The following CIT variants were observed in gnomAD, a reference collection of about 807,000 sequenced individuals.
CIT encodes the protein citron Rho-interacting kinase.
Under a neutral mutation model 272.7 loss-of-function variants are expected in CIT, and 79 were observed. That is an observed-to-expected ratio of 0.29 (90% CI 0.24 to 0.35). The LOEUF (loss-of-function observed/expected upper bound fraction) is 0.35. Ranked by LOEUF, CIT falls within the 10% of genes least tolerant of loss-of-function variation. The pLI is 1.00. For missense variants in CIT, 1,909 were observed against 2,618.3 expected, an observed-to-expected ratio of 0.73 and a Z score of 5.91; for synonymous variants, 948 against 995.6, an observed-to-expected ratio of 0.95 and a Z score of 0.90.
intron 23 of CIT, 34 bp from the exon 24 acceptor site, chr12:119,742,498 T>G: frequency 6.5e-7 from 1 of 1,537,718 alleles, no homozygotes; most frequent in African/African-American, 1.4e-5. Flanking sequence ...AAATTTTTCA[T>G]AGGGTAGAAT....
chr12:119,696,162 A>G (rs1036801770), intron 46 of CIT, among the ~76,000 whole-genome samples: 2 of 152,220 alleles, frequency 1.3e-5, no homozygotes, highest in Admixed American at 6.5e-5. Context: ...AGAGAGACCC[A>G]GAAGAGAGGC....
intron 18 of CIT, among the ~76,000 whole-genome samples, chr12:119,769,263 A>C (rs183331517): frequency 3.3e-5 from 5 of 152,284 alleles, no homozygotes; most frequent in Admixed American, 3.3e-4. Context: ...CCTCCATTTT[A>C]ATTGTAAGTG....
In CIT at chr12:119,834,092, A is replaced by G; in HGVS notation, c.653T>C (p.Val218Ala). The change falls in exon 6 of 48, where the codon GTG becomes GCG. Residue 218 changes from valine to alanine, a missense_variant. Val to Ala is a moderately conservative substitution (Grantham distance 64, BLOSUM62 0). Coordinates refer to ENST00000392521, the MANE Select transcript of CIT (RefSeq NM_001206999.2). ...AVHSVHLMGY[V>A]HRDIKPENIL... The stretch of plus-strand genomic sequence containing the variant: ...CTACCAGAGTCTCACTTACCGATGC[A>G]CGTATCCCATCAGATGAACGCTGTG... 6.2e-7 allele frequency: 1 copy of G among 1,611,192 alleles called. No individual in the cohort carries two copies. Among genetic ancestry groups the G allele is most frequent in the Non-Finnish European group, 8.5e-7 (1 of 1,179,200 alleles).
At position 119,694,823 on chromosome 12, in the gene CIT, TAAAAA is replaced by T. The variant is rs1033234616; in HGVS notation, c.5882+2831_5882+2835del. 6.6e-6 allele frequency among the ~76,000 whole-genome samples: 1 copy of T among 150,858 alleles called. No individual in the cohort carries two copies. Among genetic ancestry groups the T allele is most frequent in the Non-Finnish European group, 1.5e-5 (1 of 67,794 alleles). ...CCTACCTCGAAAAAAAATAAATAAATAAAAATAAAAAATAAATAAACAAGGAGGGG... is the reference window on the plus strand; with the variant it reads ...CCTACCTCGAAAAAAAATAAATAAATTAAAAAATAAATAAACAAGGAGGGG... On this transcript the variant is annotated intron_variant, in intron 46 of 47. Transcript: ENST00000392521. This position sits in a 1 kb window ranked among gnomAD's most constrained non-coding sequence, Gnocchi z 4.5.
intron 3 of CIT, among the ~76,000 whole-genome samples, chr12:119,864,052 C>T (rs1015339591): frequency 1.3e-5 from 2 of 151,810 alleles, no homozygotes; most frequent in South Asian, 2.1e-4. Flanking sequence ...TATCTATTAT[C>T]GCAGCCCAAA....
At chr12:119,845,982 A>G (rs1430334856) in intron 5 of CIT, among the ~76,000 whole-genome samples, 1 of 151,758 alleles carries the variant, frequency 6.6e-6, no homozygotes, top group Non-Finnish European at 1.5e-5. Context: ...ACACACACAC[A>G]CAGAAAAAGG....
intron 3 of CIT, among the ~76,000 whole-genome samples, chr12:119,861,605 G>A (rs1950341020): frequency 6.6e-6 from 1 of 151,340 alleles, no homozygotes; most frequent in African/African-American, 2.4e-5. Context: ...AAAAAGAAAA[G>A]AAAAGAAAAG....
chr12:119,697,227 C>T lies in CIT; in HGVS notation c.5882+432G>A, dbSNP rs1956274431. Reference sequence around the variant, plus strand: ...GCTTTCAACCACCCCACCAGGGCCTCATCCTTCCATGCCTTAATCTCTGAT... The same window carrying T: ...GCTTTCAACCACCCCACCAGGGCCTTATCCTTCCATGCCTTAATCTCTGAT... On this transcript the variant is annotated intron_variant, in intron 46 of 47. Coordinates refer to ENST00000392521, the MANE Select transcript of CIT (RefSeq NM_001206999.2). This position sits in a 1 kb window ranked among gnomAD's most constrained non-coding sequence, Gnocchi z 4.9. Among the ~76,000 whole-genome samples, 1 of 152,138 alleles carries T rather than the reference C, an allele frequency of 6.6e-6. No homozygotes were observed. Among genetic ancestry groups the T allele is most frequent in the African/African-American group, 2.4e-5 (1 of 41,446 alleles).
chr12:119,732,084 C>T (rs1439311022), intron 26 of CIT, among the ~76,000 whole-genome samples: 1 of 152,116 alleles, frequency 6.6e-6, no homozygotes. Context: ...GATCCACCCA[C>T]TTCGGCCTCC....
intron 3 of CIT, among the ~76,000 whole-genome samples, chr12:119,859,965 C>A (rs1412953373): frequency 2.0e-5 from 3 of 152,154 alleles, no homozygotes; most frequent in African/African-American, 4.8e-5. Context: ...TATAGGCGCA[C>A]ACCACCAATC....
rs534176361 is a variant in CIT at position 119,858,587 on chromosome 12, G to A, written c.239-889C>T. Among the ~76,000 whole-genome samples the A allele has an allele frequency of 4.6e-5, 7 of 151,984 alleles. No individual in the cohort carries two copies. In the East Asian group the frequency reaches 7.8e-4, roughly 17 times the overall value. On this transcript the variant is annotated intron_variant, in intron 3 of 47. Transcript: ENST00000392521. ...TGTAATCCCAGCACTTTGGGAGGCC[G>A]AAGCGGGTGGATCACAAGGTCAGGA... is the stretch of plus-strand genomic sequence containing the variant.
intron 10 of CIT, among the ~76,000 whole-genome samples, chr12:119,802,615 C>T (rs1241466391): frequency 1.3e-5 from 2 of 152,250 alleles, no homozygotes; most frequent in Non-Finnish European, 2.9e-5. Context: ...TGGCTGCCAG[C>T]GCTCCACCAG....
At chr12:119,729,925 T>C (rs1958339376) in intron 27 of CIT, among the ~76,000 whole-genome samples, 2 of 152,232 alleles carry the variant, frequency 1.3e-5, no homozygotes, top group Admixed American at 6.5e-5. Context: ...CTATTCTGTA[T>C]CTCTCTCAAG....
In CIT at chr12:119,694,471, G is replaced by A. The variant is rs988890470; in HGVS notation, c.5882+3188C>T. Among the ~76,000 whole-genome samples, 6 of 152,106 alleles carry A rather than the reference G, an allele frequency of 3.9e-5. No individual in the cohort carries two copies. The highest frequency in any genetic ancestry group is 1.4e-4 in the African/African-American group (6 of 41,414). ...GGAGCAATCGCCAAGACACATCAAG[G>A]TACAGGAGAGTATGCAGAATATGCT... On this transcript the variant is annotated intron_variant, in intron 46 of 47. Coordinates refer to ENST00000392521, the MANE Select transcript of CIT (RefSeq NM_001206999.2). The surrounding 1 kb of genome is among the most constrained non-coding windows in gnomAD (Gnocchi z 4.5).
chr12:119,799,719 T>C (rs1293181187), intron 10 of CIT, among the ~76,000 whole-genome samples: 1 of 152,090 alleles, frequency 6.6e-6, no homozygotes, highest in African/African-American at 2.4e-5. Flanking sequence ...TAAAACCAAC[T>C]GATTTTTACC....
intron 26 of CIT, 147 bp downstream of exon 26, chr12:119,734,017 G>A (rs1017693804): frequency 2.5e-6 from 2 of 796,288 alleles, no homozygotes; most frequent in Admixed American, 5.5e-5. Flanking sequence ...GTTTGCCCAA[G>A]AGTCTCCTGG....
intron 24 of CIT, among the ~76,000 whole-genome samples, chr12:119,742,028 C>A (rs995340468): frequency 6.6e-6 from 1 of 152,112 alleles, no homozygotes; most frequent in Admixed American, 6.6e-5. Context: ...CTCACAGATA[C>A]AACTGCCCTG....
rs1487780984 is a variant in CIT, at chr12:119,804,464, C to A, written c.1112-1075G>T. 3 of 985,822 alleles carry A rather than the reference C, an allele frequency of 3.0e-6. No individual in the cohort carries two copies. Among genetic ancestry groups the A allele is most frequent in the African/African-American group, 3.5e-5 (2 of 57,262 alleles). 61.1% of individuals were successfully genotyped at this position (985,822 alleles called of 1,614,324 possible). A position where few individuals can be genotyped will look rare whatever the true frequency, so the allele number is the denominator to read the frequency against. On this transcript the variant is annotated intron_variant, in intron 9 of 47. Transcript: ENST00000392521. The surrounding 1 kb of genome is among the most constrained non-coding windows in gnomAD (Gnocchi z 5.3). ...TGGAACCCCACCTGGCTGCCGCCTG[C>A]CTGCCAGGGGCCAGTGCTGATCCCA...
At chr12:119,759,767 T>C (rs1961517186) in intron 20 of CIT, among the ~76,000 whole-genome samples, 3 of 152,058 alleles carry the variant, frequency 2.0e-5, no homozygotes, top group Non-Finnish European at 4.4e-5. Flanking sequence ...ACAAAACCGG[T>C]CCCTGGTGCT....
Sources: allele counts gnomAD v4.1 joint callset (sites outside exome capture counted in the v4.1 genomes callset), GRCh38; gene constraint gnomAD v4.1.1; non-coding constraint Gnocchi (gnomAD v3.1); transcripts MANE v1.5; gene names NCBI Gene and HGNC (gene_info 2026-07-23, HGNC 2026-07-21).